The following GFOD1 variants were observed in gnomAD, a reference collection of about 807,000 sequenced individuals.
GFOD1 encodes glucose-fructose oxidoreductase domain-containing protein 1.
In GFOD1, 9 loss-of-function variants were observed where a neutral mutation model predicts 25.4. That is an observed-to-expected ratio of 0.35 (90% CI 0.21 to 0.62). The LOEUF is 0.62. GFOD1 is among the 20% of genes least tolerant of loss of function. The pLI is 0.72. For missense variants in GFOD1, 403 were observed against 556.9 expected (o/e 0.72, Z 2.78); for synonymous variants, 253 against 245.6 (o/e 1.03, Z -0.28).
intron 1 of GFOD1, among the ~76,000 whole-genome samples, chr6:13,387,317 A>G (rs1217557912): frequency 6.6e-6 from 1 of 152,224 alleles, no homozygotes; most frequent in Non-Finnish European, 1.5e-5. Flanking sequence ...ACAACAAAAA[A>G]AGAGAATTTT....
intron 1 of GFOD1, among the ~76,000 whole-genome samples, chr6:13,410,440 G>A (rs1385332408): frequency 3.3e-5 from 5 of 151,988 alleles, no homozygotes. Context: ...GGTGGTGCAT[G>A]CCTGTAATCG....
intron 1 of GFOD1, among the ~76,000 whole-genome samples, chr6:13,413,545 G>A (rs1786114134): frequency 1.3e-5 from 2 of 152,232 alleles, no homozygotes; most frequent in South Asian, 2.1e-4. Context: ...CCAGCTGGCT[G>A]TAGTTTAGCT....
intron 1 of GFOD1, among the ~76,000 whole-genome samples, chr6:13,408,823 G>A (rs962287444): frequency 5.3e-5 from 8 of 152,116 alleles, no homozygotes; most frequent in East Asian, 1.9e-4. Context: ...GGTGGCTCAC[G>A]CCTGTAATCC....
intron 1 of GFOD1, chr6:13,470,275 C>T (rs1218858302): frequency 6.3e-7 from 1 of 1,590,588 alleles, no homozygotes; most frequent in South Asian, 1.1e-5. Context: ...TCCTGGAATC[C>T]CCCATGCCAG....
rs2560753 is a variant in GFOD1 at position 13,465,501 on chromosome 6, C to A, written c.253+21137G>T. Among the ~76,000 whole-genome samples the A allele has an allele frequency of 2.1e-3, 327 of 152,256 alleles. 1 individual carries two copies. Among genetic ancestry groups the A allele is most frequent in the Non-Finnish European group, 3.3e-3 (227 of 68,042 alleles). Reference sequence around the variant, plus strand: ...TTAACAGATGCCTAGGTGATTCACACGCACATTAAAATTTAAGCAGCACTG... The same window carrying A: ...TTAACAGATGCCTAGGTGATTCACAAGCACATTAAAATTTAAGCAGCACTG... On this transcript the variant is annotated intron_variant, in intron 1 of 1. Coordinates refer to ENST00000379287, the MANE Select transcript of GFOD1 (RefSeq NM_018988.4).
At chr6:13,445,541 G>A (rs1757988740) in intron 1 of GFOD1, among the ~76,000 whole-genome samples, 1 of 152,202 alleles carries the variant, frequency 6.6e-6, no homozygotes, top group African/African-American at 2.4e-5. Flanking sequence ...ATTTGGCAAT[G>A]CCTGGCTTCT....
At chr6:13,380,059 C>T (rs1171827544) in intron 1 of GFOD1, among the ~76,000 whole-genome samples, 1 of 152,232 alleles carries the variant, frequency 6.6e-6, no homozygotes, top group East Asian at 1.9e-4. Context: ...TAAATGTCTG[C>T]TCAAGTCAAT....
chr6:13,408,132 T>G (rs1785981170), intron 1 of GFOD1: 1 of 981,304 alleles, frequency 1.0e-6, no homozygotes, highest in Non-Finnish European at 1.2e-6. Flanking sequence ...AGAGTCTTTA[T>G]GAAGTGACAC....
rs1562190274 is a variant in GFOD1 at position 13,360,875 on chromosome 6, C to T, written c.*3868G>A. 2.2e-6 allele frequency: 1 copy of T among 456,648 alleles called. No homozygotes were observed. Among genetic ancestry groups the T allele is most frequent in the South Asian group, 1.5e-5 (1 of 64,558 alleles). 28.3% of individuals were successfully genotyped at this position (456,648 alleles called of 1,614,324 possible). ...GCAAGAACAGGAGGTGCCCACATCT[C>T]TTCCTGGGAGGCAGTGTGGTCTGGA... is the stretch of plus-strand genomic sequence containing the variant. On this transcript the variant is annotated 3_prime_UTR_variant, in exon 2 of 2. Transcript: ENST00000379287.
chr6:13,362,434 C>T lies in GFOD1; in HGVS notation c.*2309G>A, dbSNP rs1172269245. 1 of 143,446 alleles carries T rather than the reference C, an allele frequency of 7.0e-6. No individual in the cohort carries two copies. The highest frequency in any genetic ancestry group is 2.6e-5 in the African/African-American group (1 of 38,120). 8.9% of individuals were successfully genotyped at this position (143,446 alleles called of 1,614,324 possible). A position where few individuals can be genotyped will look rare whatever the true frequency, so the allele number is the denominator to read the frequency against. ...CTGAGATCACACCACTGCACTCCAGCTTGGGTGACAGAGCGAGACTCCATT... is the reference window on the plus strand; with the variant it reads ...CTGAGATCACACCACTGCACTCCAGTTTGGGTGACAGAGCGAGACTCCATT... On this transcript the variant is annotated 3_prime_UTR_variant, in exon 2 of 2. Transcript: ENST00000379287.
chr6:13,462,808 C>T (rs528998310), intron 1 of GFOD1, among the ~76,000 whole-genome samples: 11 of 152,178 alleles, frequency 7.2e-5, no homozygotes, highest in African/African-American at 2.7e-4. Context: ...AAACTAAACC[C>T]AACCCGATGG....
chr6:13,390,463 C>T lies in GFOD1; in HGVS notation c.254-24801G>A, dbSNP rs192434004. ...AAAAATAGCCGGGTGCTGTGGCATG[C>T]ACCTGCAGTCCTAGCAACTCTGGAA... On this transcript the variant is annotated intron_variant, in intron 1 of 1. Transcript: ENST00000379287. 2.0e-4 allele frequency among the ~76,000 whole-genome samples: 30 copies of T among 150,440 alleles called. No homozygotes were observed. In the East Asian group the frequency reaches 5.8e-3, roughly 29 times the overall value.
chr6:13,369,218 A>G (rs1449981306), intron 1 of GFOD1, among the ~76,000 whole-genome samples: 1 of 152,230 alleles, frequency 6.6e-6, no homozygotes, highest in Non-Finnish European at 1.5e-5. Context: ...TTGTGCCCAC[A>G]GTCTTTTGCA....
chr6:13,439,967 AG>A (rs1270080563), intron 1 of GFOD1, among the ~76,000 whole-genome samples: 1 of 152,218 alleles, frequency 6.6e-6, no homozygotes, highest in Non-Finnish European at 1.5e-5. Context: ...AAAGCAAGTC[AG>A]TAGAGGAGAC....
chr6:13,408,140 C>A (rs1433765859), intron 1 of GFOD1: 3 of 973,724 alleles, frequency 3.1e-6, no homozygotes, highest in Non-Finnish European at 3.7e-6. Flanking sequence ...TATGAAGTGA[C>A]ACCTTCTCTC....
At chr6:13,373,917 A>G (rs1054049987) in intron 1 of GFOD1, among the ~76,000 whole-genome samples, 1 of 151,958 alleles carries the variant, frequency 6.6e-6, no homozygotes, top group Non-Finnish European at 1.5e-5. Context: ...TAAATCCCCG[A>G]TTTTCAATCC....
At chr6:13,457,651 C>T (rs775661094) in intron 1 of GFOD1, among the ~76,000 whole-genome samples, 2 of 152,220 alleles carry the variant, frequency 1.3e-5, no homozygotes, top group African/African-American at 2.4e-5. Context: ...TAAGTGCCAA[C>T]AACCATCTAT....
chr6:13,487,080 C>G lies in GFOD1; in HGVS notation c.-190G>C. 1 of 633,484 alleles carries G rather than the reference C, an allele frequency of 1.6e-6. No homozygotes were observed. Among genetic ancestry groups the G allele is most frequent in the East Asian group, 2.9e-5 (1 of 34,474 alleles). 39.2% of individuals were successfully genotyped at this position (633,484 alleles called of 1,614,324 possible). ...AGCTGCAGGCGGAGCAAGCTCGGGG[C>G]GCCTCAGAACGGTGACTGCGGCAGT... On this transcript the variant is annotated 5_prime_UTR_variant, in exon 1 of 2. Coordinates refer to ENST00000379287, the MANE Select transcript of GFOD1 (RefSeq NM_018988.4). This position sits in a 1 kb window ranked among gnomAD's most constrained non-coding sequence, Gnocchi z 4.9.
At chr6:13,474,417 T>C (rs912991264) in intron 1 of GFOD1, among the ~76,000 whole-genome samples, 1 of 152,064 alleles carries the variant, frequency 6.6e-6, no homozygotes, top group African/African-American at 2.4e-5. Context: ...AAAATGCCAT[T>C]TTTTTCCCCT....
Sources: allele counts gnomAD v4.1 joint callset (sites outside exome capture counted in the v4.1 genomes callset), GRCh38; gene constraint gnomAD v4.1.1; non-coding constraint Gnocchi (gnomAD v3.1); transcripts MANE v1.5; gene names NCBI Gene and HGNC (gene_info 2026-07-23, HGNC 2026-07-21).